The following EGFR variants were observed in gnomAD, a reference collection of about 807,000 sequenced individuals.
EGFR encodes the protein avian erythroblastic leukemia viral (v-erb-b) oncogene homolog.
EGFR carries 58 observed loss-of-function variants against 143.0 expected under a neutral mutation model. The observed-to-expected ratio is 0.41, with a 90% confidence interval of 0.33 to 0.50. EGFR has a LOEUF of 0.50. Among genes scored for constraint, EGFR ranks in the 20% least tolerant of loss-of-function variants. EGFR has a pLI of 0.39. For missense variants in EGFR, 1,307 were observed against 1,579.0 expected (o/e 0.83, Z 2.92); for synonymous variants, 613 against 594.4 (o/e 1.03, Z -0.45).
At chr7:55,034,475 T>G (rs939988040) in intron 1 of EGFR, among the ~76,000 whole-genome samples, 2 of 152,148 alleles carry the variant, frequency 1.3e-5, no homozygotes, top group African/African-American at 4.8e-5. Context: ...TGGAATTAAC[T>G]GAGCTACTGC....
At chr7:55,058,468 C>T (rs923564557) in intron 1 of EGFR, among the ~76,000 whole-genome samples, 4 of 151,848 alleles carry the variant, frequency 2.6e-5, no homozygotes, top group African/African-American at 7.3e-5. Context: ...AAATGCCCAT[C>T]GGTGATAGAC....
intron 1 of EGFR, among the ~76,000 whole-genome samples, chr7:55,089,219 A>G (rs564541789): frequency 1.3e-5 from 2 of 152,226 alleles, no homozygotes; most frequent in South Asian, 2.1e-4. Context: ...AAGTCAGCCT[A>G]TGCATGTAAT....
intron 1 of EGFR, among the ~76,000 whole-genome samples, chr7:55,027,947 C>T (rs1362190798): frequency 3.6e-4 from 48 of 133,492 alleles, no homozygotes; most frequent in African/African-American, 1.3e-3. Flanking sequence ...CAGCTGCTGA[C>T]ATTACCTTGT....
chr7:55,144,338 C>G (rs1368840793), intron 3 of EGFR, among the ~76,000 whole-genome samples: 2 of 152,178 alleles, frequency 1.3e-5, no homozygotes, highest in African/African-American at 4.8e-5. Context: ...GCTCTGCCAT[C>G]GTACAAATAA....
intron 1 of EGFR, among the ~76,000 whole-genome samples, chr7:55,097,749 T>A (rs147019591): frequency 6.6e-6 from 1 of 152,232 alleles, no homozygotes; most frequent in East Asian, 1.9e-4. Flanking sequence ...GAGCATGTTG[T>A]GCCCAACTAG....
At chr7:55,143,194 G>A (rs1794563064) in intron 2 of EGFR, 111 bp from the exon 3 acceptor site, 7 of 1,065,214 alleles carry the variant, frequency 6.6e-6, no homozygotes, top group Non-Finnish European at 7.2e-6. Context: ...TTGAGCACTC[G>A]TGTGCATTAG....
At chr7:55,021,837 A>G (rs1786584618) in intron 1 of EGFR, among the ~76,000 whole-genome samples, 1 of 152,192 alleles carries the variant, frequency 6.6e-6, no homozygotes, top group Admixed American at 6.5e-5. Context: ...CTATGGGGGA[A>G]ACTGAGGTAC....
intron 20 of EGFR, among the ~76,000 whole-genome samples, chr7:55,190,768 G>C (rs1283586361): frequency 6.6e-6 from 1 of 152,250 alleles, no homozygotes; most frequent in Non-Finnish European, 1.5e-5. Flanking sequence ...AGAGAAGAGA[G>C]TGTGGTAGAA....
chr7:55,093,108 A>G (rs1008105561), intron 1 of EGFR, among the ~76,000 whole-genome samples: 1 of 152,140 alleles, frequency 6.6e-6, no homozygotes, highest in South Asian at 2.1e-4. Flanking sequence ...AACTCAGCCT[A>G]TGTTTGTCTT....
At position 55,161,447 on chromosome 7, in the gene EGFR, C is replaced by T. The variant is rs1351572204; in HGVS notation, c.1499-52C>T. The T allele has an allele frequency of 2.5e-6, 4 of 1,590,044 alleles. No individual in the cohort carries two copies. In the African/African-American group the frequency reaches 4.0e-5, roughly 16 times the overall value. ...CGGGAAGGTGCCGTCTCCTCCGGCCCCTCGGGTCCCTGCTCTGTCACTGAC... is the reference window on the plus strand; with the variant it reads ...CGGGAAGGTGCCGTCTCCTCCGGCCTCTCGGGTCCCTGCTCTGTCACTGAC... On this transcript the variant is annotated intron_variant, in intron 12 of 27. Coordinates refer to ENST00000275493, the MANE Select transcript of EGFR (RefSeq NM_005228.5).
At chr7:55,107,422 C>T (rs938417667) in intron 1 of EGFR, among the ~76,000 whole-genome samples, 28 of 151,980 alleles carry the variant, frequency 1.8e-4, no homozygotes, top group African/African-American at 6.0e-4. Flanking sequence ...TTTTGTTTTC[C>T]GTGGCACCTA....
chr7:55,063,839 G>A (rs975626478), intron 1 of EGFR, among the ~76,000 whole-genome samples: 1 of 152,204 alleles, frequency 6.6e-6, no homozygotes, highest in Non-Finnish European at 1.5e-5. Flanking sequence ...GAGGGCAAAT[G>A]CCAGCTGCTC....
intron 15 of EGFR, chr7:55,168,406 A>C (rs2128949293): frequency 1.3e-6 from 1 of 758,104 alleles, no homozygotes; most frequent in Non-Finnish European, 2.4e-6. Flanking sequence ...TGGCATTTTC[A>C]ATACACTTAC....
intron 24 of EGFR, chr7:55,200,716 G>T (rs1787810076): frequency 1.9e-6 from 1 of 518,650 alleles, no homozygotes; most frequent in Non-Finnish European, 3.5e-6. Context: ...GGTCTATTGG[G>T]CTTTGGTGTC....
intron 16 of EGFR, chr7:55,172,773 C>A: frequency 7.1e-7 from 1 of 1,403,360 alleles, no homozygotes; most frequent in Non-Finnish European, 9.7e-7. Flanking sequence ...GAAAAGTGTG[C>A]CTGGTAGGGG....
At chr7:55,201,031 G>A (rs1024174652) in intron 24 of EGFR, among the ~76,000 whole-genome samples, 157 bp from the exon 25 acceptor site, 2 of 152,106 alleles carry the variant, frequency 1.3e-5, no homozygotes, top group African/African-American at 4.8e-5. Flanking sequence ...TGTCATGAGG[G>A]GAGGCAGCTA....
At chr7:55,117,412 C>T (rs1485691999) in intron 1 of EGFR, among the ~76,000 whole-genome samples, 2 of 152,184 alleles carry the variant, frequency 1.3e-5, no homozygotes, top group Non-Finnish European at 2.9e-5. Flanking sequence ...CTCTGTAACT[C>T]CCACATTCAA....
rs116660389 is a variant in EGFR at position 55,134,062 on chromosome 7, C to T, written c.89-8224C>T. ...GCACGCTCACTGCTATCTATCCTCT[C>T]ACACAGAGGGATTTTGAATCGAAGC... is the stretch of plus-strand genomic sequence containing the variant. On this transcript the variant is annotated intron_variant, in intron 1 of 27. Coordinates refer to ENST00000275493, the MANE Select transcript of EGFR (RefSeq NM_005228.5). Among the ~76,000 whole-genome samples, 129 of 152,352 alleles carry T rather than the reference C, an allele frequency of 8.5e-4. 2 individuals are homozygous for T. Among genetic ancestry groups the T allele is most frequent in the African/African-American group, 3.0e-3 (126 of 41,574 alleles).
At chr7:55,119,388 T>C (rs1562730973) in intron 1 of EGFR, 1 of 152,148 alleles carries the variant, frequency 6.6e-6, no homozygotes, top group Non-Finnish European at 1.5e-5. Context: ...TCCAGAAACA[T>C]ATAGGGGATA....
Sources: allele counts gnomAD v4.1 joint callset (sites outside exome capture counted in the v4.1 genomes callset), GRCh38; gene constraint gnomAD v4.1.1; transcripts MANE v1.5; gene names NCBI Gene and HGNC (gene_info 2026-07-23, HGNC 2026-07-21).